NOL4L: variants seen among roughly 807,000 people sequenced by gnomAD.
NOL4L encodes the protein nucleolar protein 4-like.
Under a neutral mutation model 64.5 loss-of-function variants are expected in NOL4L, and 7 were observed. The ratio of observed to expected loss-of-function variants is 0.11; its 90% CI spans 0.06 to 0.20. The LOEUF (loss-of-function observed/expected upper bound fraction) is 0.20, where lower values mean the gene tolerates loss of function less well. NOL4L is among the 10% of genes least tolerant of loss of function. NOL4L has a pLI of 1.00. For synonymous variants in NOL4L, 413 were observed against 401.0 expected (o/e 1.03, Z -0.36); for missense variants, 680 against 967.1 (o/e 0.70, Z 3.94).
intron 4 of NOL4L, among the ~76,000 whole-genome samples, chr20:32,488,831 CTTTCTTTCTTTCTTTCTTTCTT>C (rs2016298139): frequency 2.9e-5 from 1 of 34,824 alleles, no homozygotes; most frequent in Non-Finnish European, 4.9e-5. Flanking sequence ...CTTTCTTTTT[CTTTCTTTCTTTCTTTCTTTCTT>C]TCTTTCTTTC....
chr20:32,487,940 T>A (rs974331395), intron 4 of NOL4L, among the ~76,000 whole-genome samples: 4 of 151,928 alleles, frequency 2.6e-5, no homozygotes, highest in Non-Finnish European at 5.9e-5. Flanking sequence ...TTTTATTTTT[T>A]TTTTTTTTTG....
chr20:32,447,957 T>TGGA, intron 10 of NOL4L, 141 bp from the exon 11 acceptor site: 6 of 1,116,390 alleles, frequency 5.4e-6, no homozygotes, highest in Non-Finnish European at 6.2e-6. Context: ...CTGGTCCATC[T>TGGA]CCCTGATGGC....
At chr20:32,508,260 C>T (rs1250979581) in intron 4 of NOL4L, among the ~76,000 whole-genome samples, 1 of 152,206 alleles carries the variant, frequency 6.6e-6, no homozygotes, top group African/African-American at 2.4e-5. Flanking sequence ...TTCGCCCACC[C>T]TGGCCTGCCT....
chr20:32,461,416 C>CTTT lies in NOL4L; in HGVS notation c.842-5024_842-5022dup, dbSNP rs1347135672. ...CTGGCACACTGACCCCTCTACCTTT[C>CTTT]TTTTCTTTTTTTTTTTTTTTTTTTG... On this transcript the variant is annotated intron_variant, in intron 5 of 10. Coordinates refer to ENST00000621426, the MANE Select transcript of NOL4L (RefSeq NM_001256798.2). Among the ~76,000 whole-genome samples, 4 of 61,162 alleles carry CTTT rather than the reference C, an allele frequency of 6.5e-5. 1 individual carries two copies. The highest frequency in any genetic ancestry group is 1.0e-4 in the African/African-American group (2 of 19,530). The allele number at this position is 61,162 out of a possible 152,430, so 40.1% of individuals were successfully genotyped here.
At chr20:32,488,142 C>G (rs2016172738) in intron 4 of NOL4L, among the ~76,000 whole-genome samples, 1 of 152,132 alleles carries the variant, frequency 6.6e-6, no homozygotes, top group African/African-American at 2.4e-5. Flanking sequence ...GTTGTCCAGG[C>G]TGGTCTCAAG....
chr20:32,578,575 G>T (rs1441900629), intron 1 of NOL4L, among the ~76,000 whole-genome samples: 2 of 152,168 alleles, frequency 1.3e-5, no homozygotes, highest in Non-Finnish European at 2.9e-5. Context: ...CATACAGACG[G>T]GGTCTCACCA....
At chr20:32,461,003 C>T (rs1230435719) in intron 5 of NOL4L, among the ~76,000 whole-genome samples, 4 of 152,196 alleles carry the variant, frequency 2.6e-5, no homozygotes, top group South Asian at 4.1e-4. Flanking sequence ...ATCGTGGCAC[C>T]GGCTGTGGGC....
intron 1 of NOL4L, among the ~76,000 whole-genome samples, chr20:32,581,240 G>T (rs528093214): frequency 1.2e-3 from 185 of 152,012 alleles, no homozygotes; most frequent in Non-Finnish European, 2.2e-3. Flanking sequence ...TCTCCCCCAC[G>T]CCCAGGCTTC....
intron 4 of NOL4L, among the ~76,000 whole-genome samples, chr20:32,509,517 CAA>C (rs71338441): frequency 2.5e-4 from 16 of 62,830 alleles, no homozygotes; most frequent in Non-Finnish European, 4.3e-4. Context: ...GACTCTGCCT[CAA>C]AAAAAAAAAA....
At chr20:32,535,836 G>C (rs1655631077) in intron 1 of NOL4L, 1 of 985,460 alleles carries the variant, frequency 1.0e-6, no homozygotes, top group Non-Finnish European at 1.2e-6. Flanking sequence ...CTGGGGAAAT[G>C]CAGATCCGAA....
intron 1 of NOL4L, among the ~76,000 whole-genome samples, chr20:32,583,404 G>A (rs1437322114): frequency 6.7e-6 from 1 of 150,034 alleles, no homozygotes; most frequent in East Asian, 2.0e-4. Flanking sequence ...CGCTCCGGCC[G>A]GGGACGGGGC....
intron 1 of NOL4L, among the ~76,000 whole-genome samples, chr20:32,530,091 C>T (rs2018288643): frequency 6.6e-6 from 1 of 152,122 alleles, no homozygotes; most frequent in Admixed American, 6.5e-5. Flanking sequence ...ACTGCCATGA[C>T]AGGGTTGGGA....
intron 1 of NOL4L, among the ~76,000 whole-genome samples, chr20:32,565,822 G>A (rs992208838): frequency 6.6e-5 from 10 of 152,214 alleles, no homozygotes; most frequent in African/African-American, 2.2e-4. Flanking sequence ...GGAGGCTGAG[G>A]TGTTGGAGAC....
intron 1 of NOL4L, among the ~76,000 whole-genome samples, chr20:32,549,718 A>G (rs1301603356): frequency 6.6e-6 from 1 of 152,208 alleles, no homozygotes; most frequent in Non-Finnish European, 1.5e-5. Flanking sequence ...GCGCCATTGC[A>G]CTCTAGCCTG....
intron 1 of NOL4L, chr20:32,536,089 T>C (rs1485473451): frequency 2.0e-6 from 2 of 985,508 alleles, no homozygotes; most frequent in African/African-American, 3.5e-5. Context: ...GCATAATGGC[T>C]TTCGCCACCT....
chr20:32,559,204 G>A (rs1250562603), intron 1 of NOL4L, among the ~76,000 whole-genome samples: 1 of 152,118 alleles, frequency 6.6e-6, no homozygotes, highest in Admixed American at 6.5e-5. Flanking sequence ...GAAGGCAGGG[G>A]CCACTGCTTT....
intron 1 of NOL4L, chr20:32,549,014 G>T (rs1398494257): frequency 3.1e-5 from 6 of 195,624 alleles, no homozygotes; most frequent in Admixed American, 6.2e-5. Context: ...ACTCTTAGAA[G>T]AAAACACAGG....
chr20:32,488,876 T>C (rs983074739), intron 4 of NOL4L, among the ~76,000 whole-genome samples: 5 of 100,892 alleles, frequency 5.0e-5, no homozygotes, highest in Admixed American at 2.9e-4. Context: ...TCTTTCTTTC[T>C]TTCTTTCTTT....
intron 3 of NOL4L, among the ~76,000 whole-genome samples, chr20:32,518,574 C>T (rs919109380): frequency 6.6e-6 from 1 of 152,244 alleles, no homozygotes; most frequent in African/African-American, 2.4e-5. Flanking sequence ...GCGGATGGCG[C>T]CTCAGACACC....
Sources: allele counts gnomAD v4.1 joint callset (sites outside exome capture counted in the v4.1 genomes callset), GRCh38; gene constraint gnomAD v4.1.1; transcripts MANE v1.5; gene names NCBI Gene and HGNC (gene_info 2026-07-23, HGNC 2026-07-21).